Variants in TIAM1 observed in about 807,000 individuals in gnomAD.
TIAM1 encodes TIAM Rac1 associated GEF 1.
A neutral mutation model predicts 163.5 loss-of-function variants in TIAM1; 65 were observed. The observed-to-expected ratio is 0.40, with a 90% CI of 0.33 to 0.49. The LOEUF (loss-of-function observed/expected upper bound fraction) is 0.49, where lower values mean the gene tolerates loss of function less well. Ranked by LOEUF, TIAM1 falls within the 20% of genes least tolerant of loss-of-function variation. The probability of loss-of-function intolerance (pLI) is 0.77; values close to 1 mark genes in which losing one functional copy is unlikely to be tolerated. For synonymous variants in TIAM1, 833 were observed against 810.1 expected, an observed-to-expected ratio of 1.03 and a Z score of -0.48; for missense variants, 1,789 against 2,044.7, an observed-to-expected ratio of 0.87 and a Z score of 2.41.
intron 2 of TIAM1, among the ~76,000 whole-genome samples, chr21:31,460,149 G>A (rs1286314643): frequency 1.3e-5 from 2 of 152,306 alleles, no homozygotes; most frequent in African/African-American, 4.8e-5. Context: ...ACCTGAAGCT[G>A]AAGCCACTGC....
intron 1 of TIAM1, among the ~76,000 whole-genome samples, chr21:31,474,583 T>C (rs2045869638): frequency 6.6e-6 from 1 of 151,676 alleles, no homozygotes; most frequent in Non-Finnish European, 1.5e-5. Flanking sequence ...TTCACTCTTG[T>C]TGCCCAGGCT....
chr21:31,172,596 G>A (rs1205522314), intron 15 of TIAM1, among the ~76,000 whole-genome samples: 1 of 152,186 alleles, frequency 6.6e-6, no homozygotes, highest in Admixed American at 6.5e-5. Context: ...GCATGCAGCA[G>A]GGGACCGGGG....
chr21:31,387,195 CTTTTTTTTTTTTTT>C (rs60592178), intron 2 of TIAM1, among the ~76,000 whole-genome samples: 3 of 75,162 alleles, frequency 4.0e-5, no homozygotes, highest in East Asian at 6.4e-4. Flanking sequence ...AGCTTATTCT[CTTTTTTTTTTTTTT>C]TTTTTTTTTT....
At chr21:31,446,627 C>T (rs996323441) in intron 2 of TIAM1, among the ~76,000 whole-genome samples, 2 of 152,070 alleles carry the variant, frequency 1.3e-5, no homozygotes, top group Non-Finnish European at 2.9e-5. Context: ...AAAAGAAACA[C>T]AAAGCTTATG....
At chr21:31,411,537 G>A (rs888043247) in intron 2 of TIAM1, among the ~76,000 whole-genome samples, 2 of 146,634 alleles carry the variant, frequency 1.4e-5, no homozygotes, top group East Asian at 2.0e-4. Flanking sequence ...GTGCAATGGC[G>A]CCATCTCGGC....
intron 5 of TIAM1, among the ~76,000 whole-genome samples, chr21:31,246,741 A>T (rs1234504257): frequency 6.6e-6 from 1 of 152,236 alleles, no homozygotes; most frequent in Non-Finnish European, 1.5e-5. Flanking sequence ...AGCCTATAAT[A>T]TTTCACATTA....
intron 8 of TIAM1, among the ~76,000 whole-genome samples, chr21:31,219,357 C>T (rs541246766): frequency 1.9e-4 from 29 of 152,312 alleles, no homozygotes; most frequent in African/African-American, 7.0e-4. Flanking sequence ...TGAAATGAAA[C>T]TTCTCCACCC....
Position 31,251,779 on chromosome 21 carries a change from G to A in TIAM1, c.1374C>T (p.Thr458=), listed in dbSNP as rs763975560. Residue 458 remains threonine (T), a synonymous_variant, in exon 5 of 28, where the codon ACC becomes ACT. Coordinates refer to ENST00000541036, the MANE Select transcript of TIAM1 (RefSeq NM_001353694.2). Reference sequence around the variant, plus strand: ...CCCAGTAGTGCTTCCACTTCCTCCGGGTGGCTGACTCCACCTTCTTGTTCT... The same window carrying A: ...CCCAGTAGTGCTTCCACTTCCTCCGAGTGGCTGACTCCACCTTCTTGTTCT... ...HKKNKKVESA[T]RRKWKHYWVS... is the part of the protein sequence containing the mutation. 9 of 1,607,418 alleles carry A rather than the reference G, an allele frequency of 5.6e-6. No homozygotes were observed. In the East Asian group the frequency reaches 1.3e-4, roughly 24 times the overall value.
intron 2 of TIAM1, among the ~76,000 whole-genome samples, chr21:31,455,073 G>C (rs1245384172): frequency 1.3e-5 from 2 of 152,032 alleles, no homozygotes; most frequent in African/African-American, 4.8e-5. Flanking sequence ...CTGAGGTCAG[G>C]AGTTCGAGAC....
intron 12 of TIAM1, among the ~76,000 whole-genome samples, chr21:31,197,095 G>A (rs2085897377): frequency 6.6e-6 from 1 of 152,152 alleles, no homozygotes; most frequent in South Asian, 2.1e-4. Flanking sequence ...AGAGGGGGAA[G>A]GCAGGAGGAG....
At chr21:31,513,636 G>C (rs1361152157) in intron 1 of TIAM1, among the ~76,000 whole-genome samples, 2 of 152,180 alleles carry the variant, frequency 1.3e-5, no homozygotes, top group African/African-American at 2.4e-5. Context: ...TTCTGGATCT[G>C]TTTTAATGGA....
chr21:31,509,895 C>G (rs1165793705), intron 1 of TIAM1, among the ~76,000 whole-genome samples: 2 of 152,158 alleles, frequency 1.3e-5, no homozygotes, highest in African/African-American at 2.4e-5. Flanking sequence ...CTCCCCACCA[C>G]GAGAGTGTGT....
intron 1 of TIAM1, among the ~76,000 whole-genome samples, chr21:31,487,441 G>C (rs11700864): frequency 0.19 from 29,393 of 151,956 alleles, 2,928 homozygotes; most frequent in South Asian, 0.25. Context: ...TGCGATCTCG[G>C]CTCACCATAA....
Position 31,384,328 on chromosome 21 carries a change from G to T in TIAM1, c.-368-44906C>A, listed in dbSNP as rs537489683. Among the ~76,000 whole-genome samples the T allele has an allele frequency of 1.4e-4, 20 of 146,310 alleles. 1 individual carries two copies. In the Middle Eastern group the frequency reaches 0.023, roughly 171 times the overall value. Reference sequence around the variant, plus strand: ...AAATTAAAAATGTTTTCCCTGGGAGGCCAAAGCAGAAGAACTGCTTGCAGC... The same window carrying T: ...AAATTAAAAATGTTTTCCCTGGGAGTCCAAAGCAGAAGAACTGCTTGCAGC... On this transcript the variant is annotated intron_variant, in intron 2 of 28. Transcript: ENST00000286827.
chr21:31,352,622 T>A (rs1198346700), intron 2 of TIAM1, among the ~76,000 whole-genome samples: 3 of 146,552 alleles, frequency 2.0e-5, no homozygotes, highest in Non-Finnish European at 4.5e-5. Context: ...GAAGCCGAGG[T>A]GGGCGGATCA....
intron 2 of TIAM1, among the ~76,000 whole-genome samples, chr21:31,438,228 G>C (rs1383313033): frequency 2.8e-5 from 3 of 108,302 alleles, no homozygotes; most frequent in East Asian, 5.7e-4. Context: ...GTCTCACTGT[G>C]TTGCCCAGAC....
In TIAM1 at chr21:31,423,928, GA is replaced by G. The variant is rs1446985233; in HGVS notation, c.-369+40054del. Among the ~76,000 whole-genome samples the G allele has an allele frequency of 1.5e-4, 23 of 151,310 alleles. No homozygotes were observed. In the Admixed American group the frequency reaches 1.5e-3, roughly 10 times the overall value. ...ATTTGGGGCATGATGAGAGTGTTCT[GA>G]AGTTGATTGTAGTGATGATTGCACA... On this transcript the variant is annotated intron_variant, in intron 2 of 28. Coordinates refer to the TIAM1 transcript ENST00000286827.
At chr21:31,144,830 GAAAAAAAA>G (rs764835303) in intron 20 of TIAM1, among the ~76,000 whole-genome samples, 12 of 74,512 alleles carry the variant, frequency 1.6e-4, no homozygotes, top group East Asian at 4.0e-4. Context: ...CTCCATCTCA[GAAAAAAAA>G]AAAAAAAAAA....
chr21:31,556,336 C>T (rs1391005024), intron 1 of TIAM1, among the ~76,000 whole-genome samples: 2 of 152,186 alleles, frequency 1.3e-5, no homozygotes, highest in African/African-American at 4.8e-5. Context: ...CTCGGGGTAA[C>T]TGAGGCAGGC....
Sources: gnomAD v4.1 joint callset for allele counts (sites outside exome capture counted in the v4.1 genomes callset) on GRCh38, gnomAD v4.1.1 for gene constraint, MANE v1.5 for transcripts, NCBI Gene and HGNC (gene_info 2026-07-23, HGNC 2026-07-21) for gene names.